PTER: variants seen among roughly 807,000 people sequenced by gnomAD.
PTER encodes N-acetyltaurine hydrolase.
A neutral mutation model predicts 29.6 loss-of-function variants in PTER; 38 were observed. The observed-to-expected ratio is 1.28, with a 90% CI of 0.99 to 1.68. The LOEUF (loss-of-function observed/expected upper bound fraction) is 1.68. Ranked by LOEUF, PTER falls within the 40% of genes most tolerant of loss-of-function variation. PTER has a pLI of 0.00. For missense variants in PTER, 482 were observed against 427.8 expected, an observed-to-expected ratio of 1.13 and a Z score of -1.12; for synonymous variants, 172 against 154.5, an observed-to-expected ratio of 1.11 and a Z score of -0.84.
intron 1 of PTER, among the ~76,000 whole-genome samples, chr10:16,449,283 C>T (rs2133370044): frequency 6.6e-6 from 1 of 152,230 alleles, no homozygotes; most frequent in Admixed American, 6.5e-5. Context: ...TATGTCTAAG[C>T]CAATTCTGCA....
intron 4 of PTER, among the ~76,000 whole-genome samples, chr10:16,509,446 T>C (rs1362117629): frequency 6.6e-6 from 1 of 152,226 alleles, no homozygotes; most frequent in East Asian, 1.9e-4. Flanking sequence ...GGAATTTGTT[T>C]ATCCACATGA....
At position 16,511,164 on chromosome 10, in the gene PTER, G is replaced by A. The variant is rs1381021412; in HGVS notation, c.958G>A (p.Val320Ile). ...CGGCTATTCTCATATACTCACCAAT[G>A]TTGTTCCTAAAATGTTGCTGAGAGG... ...GHGYSHILTN[V>I]VPKMLLRGIT... Residue 320 changes from valine to isoleucine, a missense_variant, in exon 5 of 5, where the codon GTT (valine) becomes ATT (isoleucine). Val to Ile is a conservative substitution (Grantham distance 29). Coordinates refer to ENST00000535784, the MANE Select transcript of PTER (RefSeq NM_001261836.2). The A allele has an allele frequency of 6.2e-7, 1 of 1,614,154 alleles. No individual in the cohort carries two copies. The highest frequency in any genetic ancestry group is 8.5e-7 in the Non-Finnish European group (1 of 1,180,000).
chr10:16,447,101 C>CTTTTT (rs71374690), intron 1 of PTER, among the ~76,000 whole-genome samples: 7 of 124,606 alleles, frequency 5.6e-5, no homozygotes, highest in Admixed American at 1.8e-4. Flanking sequence ...TTTTTCTTTT[C>CTTTTT]TTTTTTTTTT....
chr10:16,462,722 T>C (rs769206598), intron 1 of PTER, among the ~76,000 whole-genome samples: 2 of 151,670 alleles, frequency 1.3e-5, no homozygotes, highest in Non-Finnish European at 2.9e-5. Context: ...AAGCATGTAC[T>C]ACCATGCCTG....
intron 1 of PTER, among the ~76,000 whole-genome samples, chr10:16,455,092 G>A (rs1459169915): frequency 6.6e-6 from 1 of 151,952 alleles, no homozygotes; most frequent in African/African-American, 2.4e-5. Flanking sequence ...ACCTGGGCAT[G>A]GTGGTATACA....
chr10:16,443,873 C>G (rs966198239), intron 1 of PTER, among the ~76,000 whole-genome samples: 10 of 152,144 alleles, frequency 6.6e-5, no homozygotes, highest in African/African-American at 2.2e-4. Flanking sequence ...CCTATCTGCT[C>G]TTTCTATAAA....
At chr10:16,442,167 G>A (rs927200748) in intron 1 of PTER, among the ~76,000 whole-genome samples, 10 of 152,318 alleles carry the variant, frequency 6.6e-5, no homozygotes, top group African/African-American at 2.4e-4. Flanking sequence ...TGGTGTTACT[G>A]TGTACCCACA....
At chr10:16,471,318 A>G (rs918111322) in intron 1 of PTER, among the ~76,000 whole-genome samples, 28 of 152,180 alleles carry the variant, frequency 1.8e-4, no homozygotes, top group African/African-American at 6.8e-4. Context: ...TTCAAAATGT[A>G]TATGTTACTA....
At chr10:16,488,931 C>T (rs1328516729) in intron 3 of PTER, among the ~76,000 whole-genome samples, 3 of 152,154 alleles carry the variant, frequency 2.0e-5, no homozygotes, top group Admixed American at 6.5e-5. Flanking sequence ...GCGTGCTTGG[C>T]ATTCCTTGGG....
At position 16,447,628 on chromosome 10, in the gene PTER, T is replaced by C. The variant is rs186697254; in HGVS notation, c.-49+10581T>C. On this transcript the variant is annotated intron_variant, in intron 1 of 4. Transcript: ENST00000535784. Reference sequence around the variant, plus strand: ...AGAATGATGTATTAAATTTTAGACCTTTTATCTATAAATATGCGAAAGCTT... The same window carrying C: ...AGAATGATGTATTAAATTTTAGACCCTTTATCTATAAATATGCGAAAGCTT... Among the ~76,000 whole-genome samples the C allele has an allele frequency of 3.3e-5, 5 of 152,342 alleles. No individual in the cohort carries two copies. The East Asian group carries it at 9.6e-4, about 29-fold the overall frequency.
chr10:16,501,370 T>C (rs10904754), intron 3 of PTER, among the ~76,000 whole-genome samples: 9,340 of 39,168 alleles, frequency 0.24, 388 homozygotes, highest in African/African-American at 0.29. Context: ...CACACACACA[T>C]GCACACACAC....
intron 1 of PTER, among the ~76,000 whole-genome samples, chr10:16,442,835 C>T (rs978694777): frequency 6.6e-6 from 1 of 152,050 alleles, no homozygotes; most frequent in African/African-American, 2.4e-5. Context: ...CAAAAATTAG[C>T]CAGGCATACG....
chr10:16,483,435 A>G (rs1835556928), intron 1 of PTER, among the ~76,000 whole-genome samples: 1 of 152,162 alleles, frequency 6.6e-6, no homozygotes, highest in Admixed American at 6.5e-5. Context: ...GGAGGGGCAT[A>G]TTCTATGAAG....
chr10:16,518,598 C>T (rs1475114568), downstream of PTER, among the ~76,000 whole-genome samples: 1 of 152,218 alleles, frequency 6.6e-6, no homozygotes, highest in Non-Finnish European at 1.5e-5. Flanking sequence ...ACAGGCTCAG[C>T]AGTCTAGACA....
intron 3 of PTER, among the ~76,000 whole-genome samples, chr10:16,492,165 C>A (rs2133468432): frequency 6.6e-6 from 1 of 152,296 alleles, no homozygotes; most frequent in East Asian, 1.9e-4. Flanking sequence ...TGTGTCTAGG[C>A]CGTCCCCTAA....
intron 2 of PTER, among the ~76,000 whole-genome samples, 169 bp downstream of exon 2, chr10:16,484,985 A>AATT (rs1835638539): frequency 1.3e-5 from 2 of 152,232 alleles, no homozygotes; most frequent in African/African-American, 4.8e-5. Flanking sequence ...TCATAAAGAA[A>AATT]GTGCCAATTT....
intron 1 of PTER, among the ~76,000 whole-genome samples, chr10:16,444,244 C>T (rs1833943629): frequency 6.6e-6 from 1 of 152,230 alleles, no homozygotes; most frequent in Middle Eastern, 3.4e-3. Context: ...CTACCCGCCT[C>T]GGCCTCCCAA....
At chr10:16,506,519 G>A (rs938168536) in intron 4 of PTER, among the ~76,000 whole-genome samples, 1 of 152,170 alleles carries the variant, frequency 6.6e-6, no homozygotes, top group African/African-American at 2.4e-5. Flanking sequence ...GTGTTCAATA[G>A]ATGTTGACTT....
intron 1 of PTER, among the ~76,000 whole-genome samples, chr10:16,442,564 G>C (rs1185106697): frequency 6.6e-6 from 1 of 152,158 alleles, no homozygotes; most frequent in Admixed American, 6.6e-5. Flanking sequence ...GAGCTCAGGA[G>C]TTCAAGACCA....
Sources: allele counts gnomAD v4.1 joint callset (sites outside exome capture counted in the v4.1 genomes callset), GRCh38; gene constraint gnomAD v4.1.1; transcripts MANE v1.5; gene names NCBI Gene and HGNC (gene_info 2026-07-23, HGNC 2026-07-21).